The following CCDC7 variants were observed in gnomAD, a reference collection of about 807,000 sequenced individuals.
CCDC7 encodes the protein coiled-coil domain-containing protein 7.
CCDC7 carries 183 observed loss-of-function variants against 196.9 expected under a neutral mutation model. The observed-to-expected ratio is 0.93, with a 90% CI of 0.82 to 1.05. The LOEUF (loss-of-function observed/expected upper bound fraction) is 1.05, where lower values mean the gene tolerates loss of function less well. Among genes scored for constraint, CCDC7 ranks in the 50% least tolerant of loss-of-function variants. The probability of loss-of-function intolerance (pLI) is 0.00; values close to 1 mark genes in which losing one functional copy is unlikely to be tolerated. For synonymous variants in CCDC7, 525 were observed against 484.6 expected, an observed-to-expected ratio of 1.08 and a Z score of -1.10; for missense variants, 1,540 against 1,482.2, an observed-to-expected ratio of 1.04 and a Z score of -0.64.
At chr10:32,803,385 A>C (rs2085187161) in intron 29 of CCDC7, among the ~76,000 whole-genome samples, 1 of 152,132 alleles carries the variant, frequency 6.6e-6, no homozygotes, top group Admixed American at 6.6e-5. Context: ...TTCTCTCCTT[A>C]GCTCTAATAA....
chr10:32,728,920 C>G (rs759332019), exon 27 of CCDC7: 23 of 1,607,816 alleles, frequency 1.4e-5, no homozygotes, highest in Non-Finnish European at 1.9e-5. Context: ...AATGTGATTT[C>G]TGTTCATCAA....
chr10:32,698,306 C>T (rs1473933882), intron 24 of CCDC7, among the ~76,000 whole-genome samples: 1 of 152,142 alleles, frequency 6.6e-6, no homozygotes, highest in Admixed American at 6.5e-5. Flanking sequence ...TCCAAAGGAT[C>T]GCAGGTCCTT....
At chr10:32,695,117 A>G (rs1365024497) in intron 24 of CCDC7, 125 bp downstream of exon 25, 4 of 424,862 alleles carry the variant, frequency 9.4e-6, no homozygotes, top group Non-Finnish European at 1.7e-5. Context: ...TACAGTGTGA[A>G]TACCTTAAAA....
At chr10:32,578,845 C>A (rs2058477958) in intron 16 of CCDC7, among the ~76,000 whole-genome samples, 1 of 152,052 alleles carries the variant, frequency 6.6e-6, no homozygotes, top group Non-Finnish European at 1.5e-5. Flanking sequence ...TGATGACTGC[C>A]TTCTCCAAAT....
intron 9 of CCDC7, among the ~76,000 whole-genome samples, chr10:32,495,628 A>G (rs754480495): frequency 1.6e-4 from 25 of 152,048 alleles, no homozygotes; most frequent in Admixed American, 1.6e-3. Flanking sequence ...AGTTTTCCCA[A>G]CACCATTTAT....
At chr10:32,693,982 A>G (rs1223545543) in intron 23 of CCDC7, among the ~76,000 whole-genome samples, 1 of 152,242 alleles carries the variant, frequency 6.6e-6, no homozygotes, top group African/African-American at 2.4e-5. Flanking sequence ...ACAAGTTATT[A>G]TAAAATAAAA....
chr10:32,616,571 T>C (rs2062797591), intron 18 of CCDC7, among the ~76,000 whole-genome samples: 3 of 150,878 alleles, frequency 2.0e-5, no homozygotes, highest in Non-Finnish European at 3.0e-5. Flanking sequence ...TTTGGTGAAG[T>C]CTTTAGGGTT....
intron 16 of CCDC7, among the ~76,000 whole-genome samples, chr10:32,574,852 G>A (rs2058012944): frequency 6.6e-6 from 1 of 152,054 alleles, no homozygotes; most frequent in Non-Finnish European, 1.5e-5. Context: ...GAAGAGTGTT[G>A]GAACATGTCC....
chr10:32,726,811 C>A (rs1218347793), exon 26 of CCDC7: 3 of 1,592,294 alleles, frequency 1.9e-6, no homozygotes, highest in Non-Finnish European at 2.6e-6. Context: ...AAAAATAACT[C>A]CTGGAAGGGA....
intron 18 of CCDC7, among the ~76,000 whole-genome samples, chr10:32,634,005 A>AT (rs1472677123): frequency 1.3e-5 from 2 of 151,924 alleles, no homozygotes; most frequent in East Asian, 1.9e-4. Context: ...CTAGATATGC[A>AT]TTTTTTCTAT....
intron 21 of CCDC7, 40 bp downstream of exon 22, chr10:32,664,201 G>A (rs1591311931): frequency 2.6e-6 from 1 of 390,312 alleles, no homozygotes; most frequent in Non-Finnish European, 4.5e-6. Context: ...AATAATTTAA[G>A]ATTTATTTTT....
chr10:32,701,586 G>A (rs545966717), intron 24 of CCDC7, among the ~76,000 whole-genome samples: 2 of 152,336 alleles, frequency 1.3e-5, no homozygotes, highest in South Asian at 4.1e-4. Flanking sequence ...AGTTTGAGAA[G>A]GAATGGTACC....
At chr10:32,525,745 G>A (rs1564549223) in intron 11 of CCDC7, among the ~76,000 whole-genome samples, 1 of 152,208 alleles carries the variant, frequency 6.6e-6, no homozygotes, top group Non-Finnish European at 1.5e-5. Context: ...CAATAATGCT[G>A]TATTTTTTGC....
chr10:32,467,357 C>T (rs1408037629), intron 5 of CCDC7, among the ~76,000 whole-genome samples: 1 of 152,042 alleles, frequency 6.6e-6, no homozygotes, highest in African/African-American at 2.4e-5. Context: ...GGCAATCTGC[C>T]CGCCTCAGCC....
At chr10:32,626,917 T>G (rs2064124731) in intron 18 of CCDC7, among the ~76,000 whole-genome samples, 2 of 152,126 alleles carry the variant, frequency 1.3e-5, no homozygotes, top group South Asian at 4.1e-4. Flanking sequence ...GTGTGTCTAC[T>G]TTTTTTGGCA....
chr10:32,805,063 A>G, exon 30 of CCDC7: 1 of 1,612,312 alleles, frequency 6.2e-7, no homozygotes. Context: ...CGCTTATTAA[A>G]TGATGAATTC....
intron 18 of CCDC7, among the ~76,000 whole-genome samples, chr10:32,587,826 T>G (rs931876328): frequency 1.3e-5 from 2 of 152,200 alleles, no homozygotes; most frequent in African/African-American, 4.8e-5. Flanking sequence ...GACATCCTCA[T>G]TTTTTCCTTA....
At chr10:32,653,901 A>G (rs527822199) in intron 20 of CCDC7, among the ~76,000 whole-genome samples, 2 of 152,170 alleles carry the variant, frequency 1.3e-5, no homozygotes, top group Non-Finnish European at 2.9e-5. Flanking sequence ...ACTATTTATT[A>G]AAAAAGTTTT....
chr10:32,638,661 T>C (rs2066124080), intron 20 of CCDC7, among the ~76,000 whole-genome samples: 1 of 152,216 alleles, frequency 6.6e-6, no homozygotes. Context: ...TTTGCATTGA[T>C]GTTCATCAAG....
Sources: allele counts gnomAD v4.1 joint callset (sites outside exome capture counted in the v4.1 genomes callset), GRCh38; gene constraint gnomAD v4.1.1; transcripts MANE v1.5; gene names NCBI Gene and HGNC (gene_info 2026-07-23, HGNC 2026-07-21).